The following WDR33 variants were observed in gnomAD, a reference collection of about 807,000 sequenced individuals.
WDR33 encodes the protein WD repeat domain 33, also known as pre-mRNA 3' end processing protein WDR33.
In WDR33, 47 loss-of-function variants were observed where a neutral mutation model predicts 164.9. The ratio of observed to expected loss-of-function variants is 0.29; its 90% CI spans 0.23 to 0.36. The LOEUF (loss-of-function observed/expected upper bound fraction) is 0.36, where lower values mean the gene tolerates loss of function less well. Among genes scored for constraint, WDR33 ranks in the 10% least tolerant of loss-of-function variants. The pLI, the probability that WDR33 is intolerant of heterozygous loss-of-function variation, is 1.00. For synonymous variants in WDR33, 505 were observed against 589.0 expected (o/e 0.86, Z 2.06); for missense variants, 1,137 against 1,754.1 (o/e 0.65, Z 6.28).
chr2:127,708,647 C>A lies in WDR33; in HGVS notation c.3781+30G>T. ...AGGCCTCCATCGGCCCCTGCATCTC[C>A]TGGAACCATAACCACTGGCCTGCTC... On this transcript the variant is annotated intron_variant, in intron 21 of 21. Transcript: ENST00000322313. The surrounding 1 kb of genome is among the most constrained non-coding windows in gnomAD (Gnocchi z 6.7). 1 of 1,550,550 alleles carries A rather than the reference C, an allele frequency of 6.4e-7. No homozygotes were observed. Among genetic ancestry groups the A allele is most frequent in the Admixed American group, 1.9e-5 (1 of 51,434 alleles).
chr2:127,711,023 A>G (rs1424964702), intron 18 of WDR33, among the ~76,000 whole-genome samples: 1 of 152,188 alleles, frequency 6.6e-6, no homozygotes, highest in Non-Finnish European at 1.5e-5. Flanking sequence ...CCTTCAGTCC[A>G]TTTCTTCTAA....
At chr2:127,750,203 T>A (rs766014259) in intron 7 of WDR33, among the ~76,000 whole-genome samples, 4 of 152,084 alleles carry the variant, frequency 2.6e-5, no homozygotes, top group Non-Finnish European at 5.9e-5. Flanking sequence ...TTTTTGTATT[T>A]GTTTTGTACA....
intron 18 of WDR33, among the ~76,000 whole-genome samples, chr2:127,711,457 G>A (rs1168554319): frequency 1.4e-5 from 2 of 148,146 alleles, no homozygotes; most frequent in Non-Finnish European, 3.0e-5. Context: ...AAGGTAAAAT[G>A]TAACATTTTG....
intron 1 of WDR33, among the ~76,000 whole-genome samples, chr2:127,798,438 C>T (rs1689120629): frequency 6.7e-6 from 1 of 148,462 alleles, no homozygotes; most frequent in South Asian, 2.1e-4. Context: ...GACAATCATT[C>T]CCAAAGGAAC....
chr2:127,763,897 T>C lies in WDR33; in HGVS notation c.627-738A>G. 3.0e-6 allele frequency: 3 copies of C among 985,716 alleles called. No homozygotes were observed. The highest frequency in any genetic ancestry group is 3.6e-6 in the Non-Finnish European group (3 of 830,170). 61.1% of individuals were successfully genotyped at this position (985,716 alleles called of 1,614,324 possible). A position where few individuals can be genotyped will look rare whatever the true frequency, so the allele number is the denominator to read the frequency against. On this transcript the variant is annotated intron_variant, in intron 6 of 21. Transcript: ENST00000322313. This position sits in a 1 kb window ranked among gnomAD's most constrained non-coding sequence, Gnocchi z 4.5. Reference sequence around the variant, plus strand: ...AAGGACCAGCTGTGTAAACTCAATGTATGGGCATGACACTAAGGCAAAATC... The same window carrying C: ...AAGGACCAGCTGTGTAAACTCAATGCATGGGCATGACACTAAGGCAAAATC...
At chr2:127,803,038 G>A (rs570174834) in intron 1 of WDR33, among the ~76,000 whole-genome samples, 2 of 151,956 alleles carry the variant, frequency 1.3e-5, no homozygotes, top group Admixed American at 6.6e-5. Context: ...CCCTAATAAT[G>A]AATACAAACA....
chr2:127,755,709 C>G (rs1466276828), intron 7 of WDR33, among the ~76,000 whole-genome samples: 2 of 152,140 alleles, frequency 1.3e-5, no homozygotes, highest in African/African-American at 4.8e-5. Flanking sequence ...TTCAAAAAAG[C>G]AGTTATCTGG....
At chr2:127,728,817 T>C (rs1415901909) in intron 7 of WDR33, among the ~76,000 whole-genome samples, 2 of 152,216 alleles carry the variant, frequency 1.3e-5, no homozygotes, top group African/African-American at 4.8e-5. Flanking sequence ...ATGTACAATA[T>C]GAAAAGTTCA....
At chr2:127,762,615 A>C in intron 7 of WDR33, 4 of 988,188 alleles carry the variant, frequency 4.0e-6, no homozygotes, top group Non-Finnish European at 4.8e-6. Context: ...GTACTGAAAA[A>C]CCAACTGCTT....
Position 127,763,750 on chromosome 2 carries a change from T to C in WDR33, c.627-591A>G. 1.0e-6 allele frequency: 1 copy of C among 985,626 alleles called. No homozygotes were observed. The highest frequency in any genetic ancestry group is 1.1e-4 in the East Asian group (1 of 8,820). 61.1% of individuals were successfully genotyped at this position (985,626 alleles called of 1,614,324 possible). On this transcript the variant is annotated intron_variant, in intron 6 of 21. Coordinates refer to ENST00000322313, the MANE Select transcript of WDR33 (RefSeq NM_018383.5). This position sits in a 1 kb window ranked among gnomAD's most constrained non-coding sequence, Gnocchi z 4.5. ...TGAGGAAAACTTTAAAATAAGGACA[T>C]TCAGACTTGTGTGTAAAGCCAAAGA...
At position 127,722,923 on chromosome 2, in the gene WDR33, G is replaced by T; in HGVS notation, c.1378+35C>A. The T allele has an allele frequency of 6.4e-7, 1 of 1,566,414 alleles. No homozygotes were observed. Among genetic ancestry groups the T allele is most frequent in the South Asian group, 1.2e-5 (1 of 83,742 alleles). The stretch of plus-strand genomic sequence containing the variant: ...ACATAAACGGGTCAAGAAAAAATTT[G>T]TAAAAATTAAATGTGTCTGTGTAAC... On this transcript the variant is annotated intron_variant, in intron 13 of 21. Coordinates refer to ENST00000322313, the MANE Select transcript of WDR33 (RefSeq NM_018383.5). This position sits in a 1 kb window ranked among gnomAD's most constrained non-coding sequence, Gnocchi z 5.1.
At chr2:127,791,942 C>CTTT (rs373606033) in intron 1 of WDR33, among the ~76,000 whole-genome samples, 1 of 144,386 alleles carries the variant, frequency 6.9e-6, no homozygotes. Context: ...GTCTTAGTAT[C>CTTT]TTTTTTTTTT....
rs952710086 is a variant in WDR33, at chr2:127,706,940, A to G, written c.3782-388T>C. On this transcript the variant is annotated intron_variant, in intron 21 of 21. Coordinates refer to ENST00000322313, the MANE Select transcript of WDR33 (RefSeq NM_018383.5). This position sits in a 1 kb window ranked among gnomAD's most constrained non-coding sequence, Gnocchi z 5.1. ...AGGGAAGGTTTGAATATACTGACTT[A>G]ACTTTGGAAGTACACACTGCTAATG... 3.3e-5 allele frequency among the ~76,000 whole-genome samples: 5 copies of G among 152,252 alleles called. No individual in the cohort carries two copies. Among genetic ancestry groups the G allele is most frequent in the African/African-American group, 7.2e-5 (3 of 41,470 alleles).
chr2:127,764,744 T>A lies in WDR33; in HGVS notation c.626+84A>T, dbSNP rs1210132665. Reference sequence around the variant, plus strand: ...GTTTCCCAGAAACTGACAGAGCCCATGCATCTCTGCACCCAGAATACACTT... The same window carrying A: ...GTTTCCCAGAAACTGACAGAGCCCAAGCATCTCTGCACCCAGAATACACTT... On this transcript the variant is annotated intron_variant, in intron 6 of 21. Coordinates refer to ENST00000322313, the MANE Select transcript of WDR33 (RefSeq NM_018383.5). This position sits in a 1 kb window ranked among gnomAD's most constrained non-coding sequence, Gnocchi z 6.2. 1 of 1,614,164 alleles carries A rather than the reference T, an allele frequency of 6.2e-7. No individual in the cohort carries two copies. The highest frequency in any genetic ancestry group is 1.1e-5 in the South Asian group (1 of 91,080).
At chr2:127,760,415 C>T (rs1687642500) in intron 7 of WDR33, among the ~76,000 whole-genome samples, 1 of 152,216 alleles carries the variant, frequency 6.6e-6, no homozygotes, top group South Asian at 2.1e-4. Context: ...AGAGGTTAGA[C>T]TATCCTGTCC....
chr2:127,793,178 C>T (rs1481417908), intron 1 of WDR33, among the ~76,000 whole-genome samples: 1 of 152,114 alleles, frequency 6.6e-6, no homozygotes, highest in Non-Finnish European at 1.5e-5. Context: ...TGCCTGTAAT[C>T]CTAGCACTTT....
intron 4 of WDR33, among the ~76,000 whole-genome samples, chr2:127,767,935 C>T (rs974646608): frequency 6.6e-6 from 1 of 152,092 alleles, no homozygotes; most frequent in African/African-American, 2.4e-5. Context: ...CCTGCTACAA[C>T]ATGTATCCAT....
At chr2:127,765,330 T>G in intron 4 of WDR33, 61 bp from the exon 5 acceptor site, 1 of 1,227,764 alleles carries the variant, frequency 8.1e-7, no homozygotes. Context: ...GAAAAACATA[T>G]TAAAGGTATT....
At chr2:127,733,498 G>A (rs1686761873) in intron 7 of WDR33, among the ~76,000 whole-genome samples, 1 of 152,132 alleles carries the variant, frequency 6.6e-6, no homozygotes, top group Non-Finnish European at 1.5e-5. Flanking sequence ...AATCTGTGTG[G>A]AATTCCCTCT....
Sources: gnomAD v4.1 joint callset for allele counts (sites outside exome capture counted in the v4.1 genomes callset) on GRCh38, gnomAD v4.1.1 for gene constraint, Gnocchi (gnomAD v3.1) non-coding constraint, MANE v1.5 for transcripts, NCBI Gene and HGNC (gene_info 2026-07-23, HGNC 2026-07-21) for gene names.